The following CYP3A43 variants were observed in gnomAD, a reference collection of about 807,000 sequenced individuals.
CYP3A43 encodes cytochrome P450 3A43.
A neutral mutation model predicts 58.0 loss-of-function variants in CYP3A43; 45 were observed. That is an observed-to-expected ratio of 0.78 (90% confidence interval 0.61 to 0.99). The LOEUF (loss-of-function observed/expected upper bound fraction) is 0.99. Ranked by LOEUF, CYP3A43 falls within the 50% of genes least tolerant of loss-of-function variation. CYP3A43 has a pLI of 0.00. For missense variants in CYP3A43, 593 were observed against 591.9 expected, an observed-to-expected ratio of 1.00 and a Z score of -0.02; for synonymous variants, 191 against 201.4, an observed-to-expected ratio of 0.95 and a Z score of 0.44.
chr7:99,854,228 A>AT (rs34870860), intron 7 of CYP3A43, among the ~76,000 whole-genome samples: 23,418 of 139,970 alleles, frequency 0.17, 4,383 homozygotes, highest in African/African-American at 0.47. Flanking sequence ...AGTTTTGATA[A>AT]TTTTTTTTTT....
At position 99,833,594 on chromosome 7, in the gene CYP3A43, G is replaced by C. The variant is rs143169736; in HGVS notation, c.72-2859G>C. 3.4e-3 allele frequency among the ~76,000 whole-genome samples: 518 copies of C among 152,304 alleles called. 1 individual carries two copies. The highest frequency in any genetic ancestry group is 0.012 in the African/African-American group (479 of 41,566). ...CTCCAGCTCTTTCTCTTTTTCAGGG[G>C]AAGTTGGGTTTTTTTCATATACAAC... On this transcript the variant is annotated intron_variant, in intron 1 of 12. Coordinates refer to ENST00000354829, the MANE Select transcript of CYP3A43 (RefSeq NM_057095.3).
In CYP3A43 at chr7:99,834,158, T is replaced by C. The variant is rs148854688; in HGVS notation, c.72-2295T>C. ...TTTGATATATAGCATTTCTCATTTG[T>C]GTTGCTTGTATTGCCAATAAATCTA... On this transcript the variant is annotated intron_variant, in intron 1 of 12. Transcript: ENST00000354829. Among the ~76,000 whole-genome samples the C allele has an allele frequency of 3.4e-3, 519 of 152,348 alleles. 1 individual carries two copies. The highest frequency in any genetic ancestry group is 5.2e-3 in the Non-Finnish European group (357 of 68,030).
intron 5 of CYP3A43, 68 bp downstream of exon 5, chr7:99,847,669 A>AGTAAGTAACTATGATGAT (rs1367188371): frequency 2.5e-6 from 4 of 1,597,884 alleles, no homozygotes; most frequent in Non-Finnish European, 3.4e-6. Flanking sequence ...AGTAAGTATC[A>AGTAAGTAACTATGATGAT]TCATAGTTCC....
intron 8 of CYP3A43, among the ~76,000 whole-genome samples, chr7:99,856,244 G>A (rs2151619289): frequency 6.6e-6 from 1 of 152,226 alleles, no homozygotes; most frequent in African/African-American, 2.4e-5. Context: ...TCTTCTCTGG[G>A]CATTGTGGGT....
intron 2 of CYP3A43, among the ~76,000 whole-genome samples, chr7:99,837,385 C>T (rs956381412): frequency 6.6e-6 from 1 of 151,702 alleles, no homozygotes; most frequent in South Asian, 2.1e-4. Flanking sequence ...AGCTATTTAC[C>T]GCTGGATAAT....
At chr7:99,846,262 C>T (rs1817539791) in intron 4 of CYP3A43, among the ~76,000 whole-genome samples, 1 of 152,024 alleles carries the variant, frequency 6.6e-6, no homozygotes, top group African/African-American at 2.4e-5. Context: ...TTCTTTTAGT[C>T]CTTTCATCAA....
intron 8 of CYP3A43, among the ~76,000 whole-genome samples, chr7:99,856,380 G>A (rs1465833921): frequency 6.6e-6 from 1 of 152,252 alleles, no homozygotes; most frequent in African/African-American, 2.4e-5. Context: ...AGTTCTAGGA[G>A]TGGGGAGTAT....
At chr7:99,836,752 C>A (rs533125850) in intron 2 of CYP3A43, among the ~76,000 whole-genome samples, 1 of 152,152 alleles carries the variant, frequency 6.6e-6, no homozygotes, top group African/African-American at 2.4e-5. Flanking sequence ...CTCAGTTGCA[C>A]GGCACAGATA....
intron 11 of CYP3A43, among the ~76,000 whole-genome samples, chr7:99,862,552 C>T (rs1456850470): frequency 6.6e-6 from 1 of 152,158 alleles, no homozygotes; most frequent in African/African-American, 2.4e-5. Flanking sequence ...AGAAGTTCTT[C>T]CTTGGAAGTG....
At chr7:99,830,605 T>A (rs964750042) in intron 1 of CYP3A43, among the ~76,000 whole-genome samples, 1 of 152,228 alleles carries the variant, frequency 6.6e-6, no homozygotes, top group Non-Finnish European at 1.5e-5. Context: ...CACTGATGCC[T>A]GACAGACATT....
chr7:99,865,797 T>A (rs184054439), intron 12 of CYP3A43, 109 bp from the exon 13 acceptor site: 3 of 678,248 alleles, frequency 4.4e-6, no homozygotes, highest in Non-Finnish European at 4.6e-6. Flanking sequence ...AAAGTAGTTT[T>A]TTTTTAGTCA....
At chr7:99,833,710 G>A (rs1816942080) in intron 1 of CYP3A43, among the ~76,000 whole-genome samples, 1 of 152,140 alleles carries the variant, frequency 6.6e-6, no homozygotes, top group Non-Finnish European at 1.5e-5. Flanking sequence ...TTAATAGAAA[G>A]CACCACTATT....
rs1224902894 is a variant in CYP3A43 at position 99,828,120 on chromosome 7, A to G, written c.5A>G (p.Asp2Gly). Reference sequence around the variant, plus strand: ...AGCTGAAAAAGAAAACTGGTGATGGATCTCATTCCAAACTTTGCCATGGAA... The same window carrying G: ...AGCTGAAAAAGAAAACTGGTGATGGGTCTCATTCCAAACTTTGCCATGGAA... M[D>G]LIPNFAMETW... The change falls in exon 1 of 13, where the codon GAT becomes GGT. Residue 2 changes from aspartate to glycine, a missense_variant. Coordinates refer to ENST00000354829, the MANE Select transcript of CYP3A43 (RefSeq NM_057095.3). 6.2e-7 allele frequency: 1 copy of G among 1,613,056 alleles called. No individual in the cohort carries two copies. The highest frequency in any genetic ancestry group is 1.7e-5 in the Admixed American group (1 of 59,990).
At chr7:99,847,876 G>GT in intron 5 of CYP3A43, 1 of 510,294 alleles carries the variant, frequency 2.0e-6, no homozygotes, top group Non-Finnish European at 3.5e-6. Flanking sequence ...GCTGGGCATG[G>GT]TGGCGGATGC....
intron 3 of CYP3A43, among the ~76,000 whole-genome samples, chr7:99,840,309 G>C (rs1412542352): frequency 6.6e-6 from 1 of 152,058 alleles, no homozygotes; most frequent in African/African-American, 2.4e-5. Context: ...CTATACATCT[G>C]CCCTATAAAC....
chr7:99,839,121 G>A lies in CYP3A43; in HGVS notation c.167G>A (p.Gly56Asp). ...FLGTILFYLR[G>D]LWNFDRECNE... ...ATTGTATTTTGTTTCTTCTGCCAGG[G>A]TCTTTGGAATTTTGACAGAGAATGT... Residue 56 changes from glycine to aspartate, a missense_variant and splice_region_variant, in exon 3 of 13, where the codon GGT (glycine) becomes GAT (aspartate). Coordinates refer to ENST00000354829, the MANE Select transcript of CYP3A43 (RefSeq NM_057095.3). The A allele has an allele frequency of 6.2e-7, 1 of 1,614,160 alleles. No individual in the cohort carries two copies. The highest frequency in any genetic ancestry group is 1.3e-5 in the African/African-American group (1 of 75,050).
intron 10 of CYP3A43, among the ~76,000 whole-genome samples, chr7:99,860,321 T>C (rs1400159614): frequency 6.6e-6 from 1 of 152,208 alleles, no homozygotes; most frequent in African/African-American, 2.4e-5. Flanking sequence ...TGAGCTCTGC[T>C]GATATTGGCT....
intron 4 of CYP3A43, among the ~76,000 whole-genome samples, chr7:99,846,126 C>G (rs1385364713): frequency 6.6e-6 from 1 of 152,180 alleles, no homozygotes; most frequent in East Asian, 1.9e-4. Context: ...TGTCTACAAA[C>G]AAACCTGCTG....
intron 10 of CYP3A43, 90 bp downstream of exon 10, chr7:99,860,080 A>C: frequency 6.8e-7 from 1 of 1,464,294 alleles, no homozygotes; most frequent in Non-Finnish European, 9.2e-7. Context: ...TTTTTGCAAA[A>C]AGCGTAAGCA....
Sources: allele counts gnomAD v4.1 joint callset (sites outside exome capture counted in the v4.1 genomes callset), GRCh38; gene constraint gnomAD v4.1.1; transcripts MANE v1.5; gene names NCBI Gene and HGNC (gene_info 2026-07-23, HGNC 2026-07-21).